The following MAML2 variants were observed in gnomAD, a reference collection of about 807,000 sequenced individuals.
MAML2 encodes mastermind-like protein 2.
A neutral mutation model predicts 96.1 loss-of-function variants in MAML2; 22 were observed. The observed-to-expected ratio is 0.23, with a 90% CI of 0.16 to 0.33. The LOEUF is 0.33. Among genes scored for constraint, MAML2 ranks in the 10% least tolerant of loss-of-function variants. The pLI, the probability that MAML2 is intolerant of heterozygous loss-of-function variation, is 1.00. For missense variants in MAML2, 1,367 were observed against 1,392.4 expected (o/e 0.98, Z 0.29); for synonymous variants, 561 against 521.3 (o/e 1.08, Z -1.04).
At chr11:96,146,863 C>T (rs1367837798) in intron 1 of MAML2, among the ~76,000 whole-genome samples, 1 of 152,182 alleles carries the variant, frequency 6.6e-6, no homozygotes, top group African/African-American at 2.4e-5. Flanking sequence ...TGAAAAGAGG[C>T]AGTTGACAGC....
intron 2 of MAML2, among the ~76,000 whole-genome samples, chr11:96,001,048 G>C (rs1268035615): frequency 6.6e-6 from 1 of 152,126 alleles, no homozygotes; most frequent in Non-Finnish European, 1.5e-5. Flanking sequence ...TACTTGCTCA[G>C]TACCTTCTCC....
chr11:96,068,604 G>A (rs1054789932), intron 2 of MAML2, among the ~76,000 whole-genome samples: 19 of 152,018 alleles, frequency 1.2e-4, no homozygotes, highest in Non-Finnish European at 2.8e-4. Context: ...CAAGGTGAGC[G>A]GATCATGAGG....
intron 1 of MAML2, among the ~76,000 whole-genome samples, chr11:96,200,193 C>A (rs1861798060): frequency 6.6e-6 from 1 of 152,088 alleles, no homozygotes; most frequent in South Asian, 2.1e-4. Flanking sequence ...TAAACATGAC[C>A]CTAATTAATG....
At chr11:96,011,356 G>T (rs1858262794) in intron 2 of MAML2, among the ~76,000 whole-genome samples, 1 of 152,058 alleles carries the variant, frequency 6.6e-6, no homozygotes, top group Non-Finnish European at 1.5e-5. Flanking sequence ...AGAAAATATG[G>T]TACATATACA....
At position 96,342,145 on chromosome 11, in the gene MAML2, A is replaced by G. The variant is rs1670958928; in HGVS notation, c.-250T>C. On this transcript the variant is annotated 5_prime_UTR_variant, in exon 1 of 5. It removes the in-frame stop codon of an upstream open reading frame in the 5' UTR. Transcript: ENST00000524717. ...GTTGGAAACAAACCCTGATTAACTTACTCTAATTGCATTTGACAGCTCTGG... is the reference window on the plus strand; with the variant it reads ...GTTGGAAACAAACCCTGATTAACTTGCTCTAATTGCATTTGACAGCTCTGG... 2 of 506,690 alleles carry G rather than the reference A, an allele frequency of 3.9e-6. No individual in the cohort carries two copies. Among genetic ancestry groups the G allele is most frequent in the Non-Finnish European group, 7.0e-6 (2 of 287,380 alleles). 31.4% of individuals were successfully genotyped at this position (506,690 alleles called of 1,614,324 possible).
chr11:96,039,045 G>A (rs1263043163), intron 2 of MAML2, among the ~76,000 whole-genome samples: 1 of 152,100 alleles, frequency 6.6e-6, no homozygotes, highest in African/African-American at 2.4e-5. Context: ...GAGCCCAGGA[G>A]TTTGAGACCA....
intron 3 of MAML2, among the ~76,000 whole-genome samples, chr11:95,987,284 G>A (rs1857842044): frequency 6.6e-6 from 1 of 152,174 alleles, no homozygotes; most frequent in Non-Finnish European, 1.5e-5. Context: ...CATGGTCTCA[G>A]AGTAACCCTG....
intron 1 of MAML2, among the ~76,000 whole-genome samples, chr11:96,213,688 G>A (rs561988443): frequency 7.9e-5 from 12 of 152,082 alleles, no homozygotes; most frequent in Non-Finnish European, 1.8e-4. Context: ...TGAATTGTCT[G>A]GACTCCAAAA....
intron 1 of MAML2, among the ~76,000 whole-genome samples, chr11:96,299,060 A>ATAT (rs1555037072): frequency 0.044 from 2,490 of 56,044 alleles, 58 homozygotes; most frequent in South Asian, 0.062. Flanking sequence ...AAAAAAAAAA[A>ATAT]ATATATATAT....
intron 2 of MAML2, among the ~76,000 whole-genome samples, chr11:96,068,567 A>C (rs1174912701): frequency 6.6e-6 from 1 of 152,084 alleles, no homozygotes; most frequent in Non-Finnish European, 1.5e-5. Context: ...ATTTTTTAAA[A>C]GTACGTATTT....
intron 1 of MAML2, among the ~76,000 whole-genome samples, chr11:96,259,718 A>G (rs1327639198): frequency 6.6e-6 from 1 of 152,230 alleles, no homozygotes; most frequent in Non-Finnish European, 1.5e-5. Context: ...CTCGATGTGG[A>G]CCAGCTTACC....
chr11:96,171,681 G>T (rs920858357), intron 1 of MAML2, among the ~76,000 whole-genome samples: 9 of 152,230 alleles, frequency 5.9e-5, no homozygotes, highest in African/African-American at 2.2e-4. Flanking sequence ...CCAAAGTTCA[G>T]TAATGAAGAG....
chr11:95,981,679 T>C (rs1857740250), intron 4 of MAML2, among the ~76,000 whole-genome samples: 1 of 152,140 alleles, frequency 6.6e-6, no homozygotes, highest in Non-Finnish European at 1.5e-5. Flanking sequence ...GTGCATTGTG[T>C]AGTGGGCAGT....
In MAML2 at chr11:96,341,451, C is replaced by T. The variant is rs1374887548; in HGVS notation, c.445G>A (p.Gly149Arg). ...GGCGGCTGCTGCTCTCCGTTTATCC[C>T]ACCACTGCCACCATTATTGCTACTG... is the stretch of plus-strand genomic sequence containing the variant. ...LNSSNNGGSG[G>R]INGEQQPPAS... The change falls in exon 1 of 5, where the codon GGG becomes AGG. Residue 149 changes from glycine to arginine, a missense_variant. Physicochemically the swap from Gly to Arg is moderately radical, Grantham distance 125. Coordinates refer to ENST00000524717, the MANE Select transcript of MAML2 (RefSeq NM_032427.4). 5.2e-6 allele frequency: 8 copies of T among 1,551,076 alleles called. No individual in the cohort carries two copies. Among genetic ancestry groups the T allele is most frequent in the Non-Finnish European group, 5.2e-6 (6 of 1,146,638 alleles).
intron 1 of MAML2, among the ~76,000 whole-genome samples, chr11:96,160,431 T>C (rs1180804326): frequency 6.7e-6 from 1 of 149,638 alleles, no homozygotes; most frequent in Non-Finnish European, 1.5e-5. Context: ...TTTCCAATTT[T>C]TTTTTTTTTT....
intron 2 of MAML2, 130 bp downstream of exon 2, chr11:96,091,762 T>G: frequency 1.5e-6 from 2 of 1,337,478 alleles, no homozygotes; most frequent in Non-Finnish European, 2.0e-6. Context: ...GGTCTTCATA[T>G]GACTCCATCA....
intron 1 of MAML2, among the ~76,000 whole-genome samples, chr11:96,301,676 T>C (rs995270406): frequency 4.6e-5 from 7 of 152,224 alleles, no homozygotes; most frequent in African/African-American, 1.7e-4. Context: ...CTGTTCTAAA[T>C]TAATTTAAAA....
At chr11:96,229,205 G>A (rs1195633862) in intron 1 of MAML2, among the ~76,000 whole-genome samples, 1 of 151,762 alleles carries the variant, frequency 6.6e-6, no homozygotes, top group Non-Finnish European at 1.5e-5. Context: ...CAAGAGAGGG[G>A]AAAAACACAA....
intron 2 of MAML2, among the ~76,000 whole-genome samples, chr11:96,035,715 C>T (rs1283226785): frequency 6.6e-6 from 1 of 152,220 alleles, no homozygotes; most frequent in South Asian, 2.1e-4. Context: ...TTCTCTAAGA[C>T]TCCACTGTAT....
Sources: gnomAD v4.1 joint callset for allele counts (sites outside exome capture counted in the v4.1 genomes callset) on GRCh38, gnomAD v4.1.1 for gene constraint, MANE v1.5 for transcripts, NCBI Gene and HGNC (gene_info 2026-07-23, HGNC 2026-07-21) for gene names.